Variants in FMN1 observed in about 807,000 individuals in gnomAD.
FMN1 encodes formin 1.
In FMN1, 110 loss-of-function variants were observed where a neutral mutation model predicts 132.4. That is an observed-to-expected ratio of 0.83 (90% CI 0.71 to 0.97). FMN1 has a LOEUF of 0.97. FMN1 is among the 50% of genes least tolerant of loss of function. FMN1 has a pLI of 0.00. For missense variants in FMN1, 1,792 were observed against 1,705.3 expected (o/e 1.05, Z -0.90); for synonymous variants, 722 against 651.7 (o/e 1.11, Z -1.64).
At chr15:32,927,923 AAGACT>A (rs1398953505) in intron 9 of FMN1, among the ~76,000 whole-genome samples, 1 of 152,260 alleles carries the variant, frequency 6.6e-6, no homozygotes, top group Non-Finnish European at 1.5e-5. Flanking sequence ...CTGTGAAGAC[AAGACT>A]AAACAGTAAC....
intron 7 of FMN1, among the ~76,000 whole-genome samples, chr15:32,978,700 G>A (rs559261931): frequency 1.3e-5 from 2 of 152,246 alleles, no homozygotes; most frequent in South Asian, 4.2e-4. Flanking sequence ...ACAAACTGGG[G>A]TTCTCCAATT....
chr15:32,826,923 C>T (rs1345472903), intron 17 of FMN1, among the ~76,000 whole-genome samples: 1 of 97,928 alleles, frequency 1.0e-5, no homozygotes, highest in East Asian at 8.2e-4. Flanking sequence ...ACACACACAA[C>T]TGATGTTTGC....
chr15:33,022,090 T>A (rs1315305659), intron 6 of FMN1, among the ~76,000 whole-genome samples: 1 of 152,224 alleles, frequency 6.6e-6, no homozygotes, highest in African/African-American at 2.4e-5. Context: ...GGTGTAGCAT[T>A]TGTGTATAAC....
chr15:32,838,160 C>A (rs2058668918), intron 17 of FMN1, among the ~76,000 whole-genome samples: 1 of 151,708 alleles, frequency 6.6e-6, no homozygotes. Flanking sequence ...GAGAGCGAGT[C>A]ACAAGAAACT....
chr15:33,006,280 T>C (rs909857762), intron 7 of FMN1, among the ~76,000 whole-genome samples: 2 of 151,970 alleles, frequency 1.3e-5, no homozygotes, highest in African/African-American at 2.4e-5. Flanking sequence ...TCAACCAATA[T>C]ATGAAAAAAA....
intron 15 of FMN1, among the ~76,000 whole-genome samples, chr15:32,894,157 A>C (rs1442798363): frequency 6.6e-6 from 1 of 152,170 alleles, no homozygotes; most frequent in Non-Finnish European, 1.5e-5. Flanking sequence ...CCAGTTCAGC[A>C]AGTTTTATCA....
chr15:32,919,942 A>G (rs1204028470), intron 10 of FMN1, among the ~76,000 whole-genome samples: 2 of 152,342 alleles, frequency 1.3e-5, no homozygotes, highest in East Asian at 3.9e-4. Flanking sequence ...TACACTTTGA[A>G]CTGAGATTCC....
chr15:33,006,673 T>C (rs1228282314), intron 7 of FMN1, among the ~76,000 whole-genome samples: 2 of 152,074 alleles, frequency 1.3e-5, no homozygotes, highest in African/African-American at 4.8e-5. Flanking sequence ...TTAAAAAAAA[T>C]GTGGTTTATA....
At chr15:33,194,126 C>T (rs1270940111) in intron 1 of FMN1, 66 bp from the exon 2 acceptor site, 1 of 147,738 alleles carries the variant, frequency 6.8e-6, no homozygotes, top group African/African-American at 2.5e-5. Flanking sequence ...AGTCATGAAG[C>T]TGCTTCTGTT....
intron 4 of FMN1, among the ~76,000 whole-genome samples, chr15:33,138,702 C>A (rs1595554957): frequency 6.6e-6 from 1 of 152,276 alleles, no homozygotes; most frequent in East Asian, 1.9e-4. Context: ...AGTATGAGAG[C>A]TATGATTTAG....
At chr15:32,874,647 G>A (rs933460443) in intron 16 of FMN1, among the ~76,000 whole-genome samples, 2 of 152,198 alleles carry the variant, frequency 1.3e-5, no homozygotes, top group African/African-American at 4.8e-5. Context: ...CTGAGCAGAA[G>A]AGAAATCAGA....
intron 4 of FMN1, among the ~76,000 whole-genome samples, chr15:33,093,671 C>T (rs1255123587): frequency 6.6e-6 from 1 of 152,148 alleles, no homozygotes; most frequent in Non-Finnish European, 1.5e-5. Flanking sequence ...TAACTCCTCA[C>T]TGGGAAGTAT....
chr15:32,953,344 A>AT (rs1338266149), intron 9 of FMN1, among the ~76,000 whole-genome samples: 1 of 152,238 alleles, frequency 6.6e-6, no homozygotes, highest in Non-Finnish European at 1.5e-5. Flanking sequence ...TCAGAATAAC[A>AT]TTTTTTTAGC....
chr15:33,075,952 TATTAC>T (rs1368952038), intron 5 of FMN1, among the ~76,000 whole-genome samples: 1 of 152,248 alleles, frequency 6.6e-6, no homozygotes, highest in Non-Finnish European at 1.5e-5. Flanking sequence ...TTGAAATAGT[TATTAC>T]ATTACTGGCT....
intron 6 of FMN1, among the ~76,000 whole-genome samples, chr15:33,018,163 G>A (rs937103847): frequency 1.3e-5 from 2 of 152,102 alleles, no homozygotes; most frequent in African/African-American, 2.4e-5. Context: ...GGTCATGAAG[G>A]CAGAGCCCTT....
At chr15:33,124,255 G>A (rs3861197) in intron 4 of FMN1, among the ~76,000 whole-genome samples, 89,018 of 151,436 alleles carry the variant, frequency 0.59, 26,519 homozygotes, top group African/African-American at 0.68. Context: ...TTATGTGGAG[G>A]AAAAAAACAC....
chr15:32,942,816 A>C (rs960401562), intron 9 of FMN1, among the ~76,000 whole-genome samples: 5 of 152,224 alleles, frequency 3.3e-5, no homozygotes, highest in Admixed American at 3.3e-4. Flanking sequence ...CACATGTGCT[A>C]TCACCAATGA....
At chr15:32,896,246 A>G (rs1044977232) in intron 15 of FMN1, among the ~76,000 whole-genome samples, 1 of 152,048 alleles carries the variant, frequency 6.6e-6, no homozygotes, top group African/African-American at 2.4e-5. Context: ...TTATAGCTCT[A>G]TAATATATTA....
chr15:33,032,881 T>C (rs112742329), intron 6 of FMN1, among the ~76,000 whole-genome samples: 1 of 152,284 alleles, frequency 6.6e-6, no homozygotes, highest in African/African-American at 2.4e-5. Context: ...TCTTCATCTA[T>C]ATATGGGAAT....
Sources: gnomAD v4.1 joint callset for allele counts (sites outside exome capture counted in the v4.1 genomes callset) on GRCh38, gnomAD v4.1.1 for gene constraint, MANE v1.5 for transcripts, NCBI Gene and HGNC (gene_info 2026-07-23, HGNC 2026-07-21) for gene names.